The following VAPB variants were observed in gnomAD, a reference collection of about 807,000 sequenced individuals.
The protein encoded by VAPB is vesicle-associated membrane protein-associated protein B/C.
VAPB carries 7 observed loss-of-function variants against 25.6 expected under a neutral mutation model. The observed-to-expected ratio is 0.27, with a 90% confidence interval of 0.16 to 0.51. VAPB has a LOEUF of 0.51. Ranked by LOEUF, VAPB falls within the 20% of genes least tolerant of loss-of-function variation. The pLI is 0.97. For missense variants in VAPB, 266 were observed against 301.3 expected (o/e 0.88, Z 0.87); for synonymous variants, 112 against 109.2 (o/e 1.03, Z -0.16).
chr20:58,390,709 G>C (rs1022749617), intron 1 of VAPB, among the ~76,000 whole-genome samples: 4 of 152,164 alleles, frequency 2.6e-5, no homozygotes, highest in Non-Finnish European at 5.9e-5. Context: ...TGGTATTTAT[G>C]AATGAATGAA....
At chr20:58,418,167 C>CT in intron 1 of VAPB, 44 bp from the exon 2 acceptor site, 2 of 1,613,500 alleles carry the variant, frequency 1.2e-6, no homozygotes, top group Non-Finnish European at 1.7e-6. Flanking sequence ...ACCTTCTAAA[C>CT]TTTCCTCATG....
intron 2 of VAPB, 124 bp downstream of exon 2, chr20:58,418,487 A>G (rs867175339): frequency 1.1e-6 from 1 of 943,310 alleles, no homozygotes; most frequent in Non-Finnish European, 1.4e-6. Flanking sequence ...CCCCACCCCC[A>G]CCCCACCCCA....
At chr20:58,414,132 G>C (rs866976188) in intron 1 of VAPB, among the ~76,000 whole-genome samples, 1 of 83,732 alleles carries the variant, frequency 1.2e-5, no homozygotes, top group Non-Finnish European at 2.6e-5. Flanking sequence ...GGAGGCTGAC[G>C]CCCCGACCTC....
At chr20:58,422,176 C>A (rs1446380213) in intron 2 of VAPB, among the ~76,000 whole-genome samples, 6 of 151,980 alleles carry the variant, frequency 3.9e-5, no homozygotes, top group African/African-American at 1.5e-4. Context: ...GTGCTCGTCT[C>A]ATCTCATTTT....
chr20:58,443,259 A>G (rs1310000183), intron 5 of VAPB, among the ~76,000 whole-genome samples: 1 of 152,176 alleles, frequency 6.6e-6, no homozygotes, highest in East Asian at 1.9e-4. Context: ...AGTAGAAAAT[A>G]TTTGAGATGA....
chr20:58,410,057 A>G lies in VAPB; in HGVS notation c.59-8154A>G, dbSNP rs930146091. ...TTTTTCCCCTTCCTTTTTTTAAAAAAAATATAGTTTAGAACAGTTTTAGGT... is the reference window on the plus strand; with the variant it reads ...TTTTTCCCCTTCCTTTTTTTAAAAAGAATATAGTTTAGAACAGTTTTAGGT... On this transcript the variant is annotated intron_variant, in intron 1 of 5. Transcript: ENST00000475243. Among the ~76,000 whole-genome samples, 70 of 152,224 alleles carry G rather than the reference A, an allele frequency of 4.6e-4. 1 individual carries two copies. The highest frequency in any genetic ancestry group is 1.5e-3 in the African/African-American group (61 of 41,530).
intron 5 of VAPB, among the ~76,000 whole-genome samples, chr20:58,442,686 C>G (rs530227837): frequency 6.6e-6 from 1 of 152,204 alleles, no homozygotes; most frequent in Non-Finnish European, 1.5e-5. Flanking sequence ...GATTCAAACA[C>G]GAACAGCCCC....
intron 1 of VAPB, among the ~76,000 whole-genome samples, chr20:58,408,812 G>A (rs566010331): frequency 1.1e-4 from 17 of 151,646 alleles, no homozygotes; most frequent in African/African-American, 4.1e-4. Context: ...AGGAAGTCTC[G>A]TATTCATGCA....
intron 1 of VAPB, among the ~76,000 whole-genome samples, chr20:58,399,319 A>G (rs1189651975): frequency 3.3e-5 from 5 of 151,696 alleles, no homozygotes; most frequent in African/African-American, 4.8e-5. Context: ...AAAAGAGAGA[A>G]AAAGAAAGAA....
chr20:58,440,967 G>T lies in VAPB; in HGVS notation c.457G>T (p.Val153Leu), dbSNP rs1362788253. ...TGCATCAAAGACAGAAACACCAATAGTGTCTAAGTCTCTGAGTTCTTCTTT... is the reference window on the plus strand; with the variant it reads ...TGCATCAAAGACAGAAACACCAATATTGTCTAAGTCTCTGAGTTCTTCTTT... ...TTASKTETPI[V>L]SKSLSSSLDD... The change falls in exon 5 of 6, where the codon GTG (valine) becomes TTG (leucine). Residue 153 changes from valine (V) to leucine (L), a missense_variant. Val to Leu is a conservative substitution (Grantham distance 32). Coordinates refer to ENST00000475243, the MANE Select transcript of VAPB (RefSeq NM_004738.5). 1 of 1,614,064 alleles carries T rather than the reference G, an allele frequency of 6.2e-7. No homozygotes were observed. Among genetic ancestry groups the T allele is most frequent in the Non-Finnish European group, 8.5e-7 (1 of 1,180,002 alleles).
intron 1 of VAPB, among the ~76,000 whole-genome samples, chr20:58,408,341 GT>G (rs1988283762): frequency 6.6e-6 from 1 of 152,114 alleles, no homozygotes; most frequent in South Asian, 2.1e-4. Flanking sequence ...GGGTAGGGTT[GT>G]TTTTATGTGG....
chr20:58,390,859 T>TGG (rs11481598), intron 1 of VAPB, among the ~76,000 whole-genome samples: 1 of 152,072 alleles, frequency 6.6e-6, no homozygotes, highest in African/African-American at 2.4e-5. Context: ...GTCTGATCGC[T>TGG]GGGAAATACT....
chr20:58,397,488 C>T (rs1311131260), intron 1 of VAPB, among the ~76,000 whole-genome samples: 1 of 149,828 alleles, frequency 6.7e-6, no homozygotes, highest in African/African-American at 2.5e-5. Flanking sequence ...CATCGCACTC[C>T]AGCCTGGGCA....
intron 1 of VAPB, among the ~76,000 whole-genome samples, chr20:58,409,904 TACACACACACAC>T (rs34649242): frequency 2.7e-5 from 4 of 148,134 alleles, no homozygotes; most frequent in Non-Finnish European, 3.0e-5. Context: ...TTTATTCATA[TACACACACACAC>T]ACACACACAC....
At position 58,393,559 on chromosome 20, in the gene VAPB, C is replaced by G. The variant is rs1456379873; in HGVS notation, c.58+4042C>G. 2.6e-5 allele frequency among the ~76,000 whole-genome samples: 4 copies of G among 152,260 alleles called. No homozygotes were observed. In the South Asian group the frequency reaches 8.3e-4, roughly 32 times the overall value. On this transcript the variant is annotated intron_variant, in intron 1 of 5. Transcript: ENST00000475243. ...CTTCTTTCATTCCCTTCTCCCTCCC[C>G]TTCCATGAGAGTCCATCTGTGGTAA... is the stretch of plus-strand genomic sequence containing the variant.
At chr20:58,408,416 C>T (rs1163214791) in intron 1 of VAPB, among the ~76,000 whole-genome samples, 1 of 152,082 alleles carries the variant, frequency 6.6e-6, no homozygotes, top group East Asian at 1.9e-4. Context: ...TAATGTCTGC[C>T]ATTTAAACAC....
chr20:58,414,938 G>A (rs372640550), intron 1 of VAPB, among the ~76,000 whole-genome samples: 2 of 152,254 alleles, frequency 1.3e-5, no homozygotes, highest in African/African-American at 2.4e-5. Flanking sequence ...GGGCACCACC[G>A]AGCACTGAGT....
At chr20:58,428,483 A>G (rs1988856673) in intron 2 of VAPB, among the ~76,000 whole-genome samples, 1 of 152,264 alleles carries the variant, frequency 6.6e-6, no homozygotes, top group South Asian at 2.1e-4. Context: ...GGACCCCTTT[A>G]AATTCTTAAA....
chr20:58,433,654 A>G (rs1988975155), intron 2 of VAPB, among the ~76,000 whole-genome samples: 2 of 152,352 alleles, frequency 1.3e-5, no homozygotes, highest in South Asian at 4.1e-4. Flanking sequence ...AGTAGACACC[A>G]GAATAGCCCC....
Sources: gnomAD v4.1 joint callset for allele counts (sites outside exome capture counted in the v4.1 genomes callset) on GRCh38, gnomAD v4.1.1 for gene constraint, MANE v1.5 for transcripts, NCBI Gene and HGNC (gene_info 2026-07-23, HGNC 2026-07-21) for gene names.